The following RCAN2 variants were observed in gnomAD, a reference collection of about 807,000 sequenced individuals.
RCAN2 encodes the protein calcipressin-2.
RCAN2 carries 9 observed loss-of-function variants against 23.6 expected under a neutral mutation model. The ratio of observed to expected loss-of-function variants is 0.38; its 90% CI spans 0.23 to 0.67. The LOEUF (loss-of-function observed/expected upper bound fraction) is 0.67. Ranked by LOEUF, RCAN2 falls within the 30% of genes least tolerant of loss-of-function variation. The probability of loss-of-function intolerance (pLI) is 0.51; values close to 1 mark genes in which losing one functional copy is unlikely to be tolerated. For synonymous variants in RCAN2, 109 were observed against 115.7 expected, an observed-to-expected ratio of 0.94 and a Z score of 0.37; for missense variants, 273 against 302.3, an observed-to-expected ratio of 0.90 and a Z score of 0.72.
At chr6:46,452,124 C>G (rs149350443) in intron 2 of RCAN2, among the ~76,000 whole-genome samples, 90 of 152,164 alleles carry the variant, frequency 5.9e-4, no homozygotes, top group African/African-American at 2.1e-3. Flanking sequence ...AAATATCATA[C>G]CAGCTTTCAA....
At chr6:46,339,081 A>G (rs550537089) in intron 2 of RCAN2, among the ~76,000 whole-genome samples, 1 of 149,462 alleles carries the variant, frequency 6.7e-6, no homozygotes, top group East Asian at 2.0e-4. Context: ...TCAACCCACT[A>G]TCAGTCCATC....
intron 2 of RCAN2, among the ~76,000 whole-genome samples, chr6:46,297,435 T>TAA (rs1762758582): frequency 6.6e-6 from 1 of 152,032 alleles, no homozygotes; most frequent in Non-Finnish European, 1.5e-5. Context: ...GGTGCAGAAG[T>TAA]GCTAACCCAC....
At chr6:46,247,256 G>A (rs888300103) in intron 3 of RCAN2, among the ~76,000 whole-genome samples, 6 of 152,268 alleles carry the variant, frequency 3.9e-5, no homozygotes, top group South Asian at 2.1e-4. Flanking sequence ...GCTGTTGGCT[G>A]CCAGTCCACT....
At chr6:46,253,707 A>C (rs1380652594) in intron 2 of RCAN2, among the ~76,000 whole-genome samples, 1 of 152,174 alleles carries the variant, frequency 6.6e-6, no homozygotes. Context: ...TGTGATGAAT[A>C]GAAATACAGT....
chr6:46,283,229 AT>A (rs1442641348), intron 2 of RCAN2, among the ~76,000 whole-genome samples: 3 of 152,266 alleles, frequency 2.0e-5, no homozygotes, highest in African/African-American at 7.2e-5. Flanking sequence ...TAGGAGGATC[AT>A]TTGAGCCCAG....
chr6:46,275,760 CA>C (rs764807363), intron 2 of RCAN2, among the ~76,000 whole-genome samples: 3 of 152,178 alleles, frequency 2.0e-5, no homozygotes, highest in Non-Finnish European at 4.4e-5. Flanking sequence ...GTTAATTTCT[CA>C]TGCTCTATCA....
intron 2 of RCAN2, among the ~76,000 whole-genome samples, chr6:46,391,732 G>C (rs2150398666): frequency 6.6e-6 from 1 of 152,264 alleles, no homozygotes; most frequent in Admixed American, 6.5e-5. Context: ...GAAGATAAAA[G>C]TACCATTCTC....
Position 46,248,720 on chromosome 6 carries a change from T to C in RCAN2, c.399+3A>G. 1 of 1,596,360 alleles carries C rather than the reference T, an allele frequency of 6.3e-7. No homozygotes were observed. Among genetic ancestry groups the C allele is most frequent in the Non-Finnish European group, 8.5e-7 (1 of 1,173,212 alleles). ...GAATAACTTTGGTAAACAATTACCT[T>C]ACCTGTGCAAAGTAGAGCTTTAATT... On this transcript the variant is annotated splice_donor_region_variant and intron_variant, in intron 3 of 4. Coordinates refer to ENST00000371374, the MANE Select transcript of RCAN2 (RefSeq NM_001251974.2).
chr6:46,435,701 A>G (rs1325294922), intron 2 of RCAN2, among the ~76,000 whole-genome samples: 2 of 152,208 alleles, frequency 1.3e-5, no homozygotes, highest in Non-Finnish European at 2.9e-5. Context: ...TGGTCAACCA[A>G]TCCAGTTTTC....
At chr6:46,238,659 C>T (rs995058912) in intron 4 of RCAN2, among the ~76,000 whole-genome samples, 3 of 152,260 alleles carry the variant, frequency 2.0e-5, no homozygotes, top group African/African-American at 7.2e-5. Context: ...CTCAAGTGAT[C>T]CACCTCTGTC....
chr6:46,427,004 A>G (rs1442438735), intron 2 of RCAN2, among the ~76,000 whole-genome samples: 3 of 152,172 alleles, frequency 2.0e-5, no homozygotes, highest in Non-Finnish European at 4.4e-5. Flanking sequence ...AAGGCAGATA[A>G]CAATGATCCT....
Position 46,482,727 on chromosome 6 carries a change from A to C in RCAN2, c.-3+8446T>G, listed in dbSNP as rs552255857. Among the ~76,000 whole-genome samples the C allele has an allele frequency of 2.6e-5, 4 of 152,318 alleles. No individual in the cohort carries two copies. The South Asian group carries it at 8.3e-4, about 32-fold the overall frequency. ...GTATCACACCTTGGCTTGAACTGTA[A>C]GCCAATAGCCAGGAGAGGTTGTGAG... is the stretch of plus-strand genomic sequence containing the variant. On this transcript the variant is annotated intron_variant, in intron 1 of 4. Coordinates refer to ENST00000371374, the MANE Select transcript of RCAN2 (RefSeq NM_001251974.2).
chr6:46,418,270 A>C (rs1005050170), intron 2 of RCAN2, among the ~76,000 whole-genome samples: 4 of 152,304 alleles, frequency 2.6e-5, no homozygotes, highest in Middle Eastern at 3.4e-3. Flanking sequence ...AAGTTATATA[A>C]ATGTGCAAGT....
chr6:46,225,558 T>C, intron 4 of RCAN2, among the ~76,000 whole-genome samples: 1 of 152,240 alleles, frequency 6.6e-6, no homozygotes, highest in Non-Finnish European at 1.5e-5. Context: ...TTTTCATGTG[T>C]CTGTTGGCTG....
intron 2 of RCAN2, among the ~76,000 whole-genome samples, chr6:46,448,578 C>T (rs895104359): frequency 7.9e-4 from 120 of 151,638 alleles, no homozygotes; most frequent in African/African-American, 2.5e-3. Flanking sequence ...AAAAATCATC[C>T]ACAAAATACC....
intron 2 of RCAN2, among the ~76,000 whole-genome samples, chr6:46,305,248 T>C (rs1020691577): frequency 2.6e-5 from 4 of 152,100 alleles, no homozygotes; most frequent in Non-Finnish European, 5.9e-5. Context: ...CTTTGATGCA[T>C]GGTGGCTGGG....
intron 1 of RCAN2, among the ~76,000 whole-genome samples, chr6:46,486,623 G>A (rs749037783): frequency 6.6e-6 from 1 of 152,222 alleles, no homozygotes; most frequent in African/African-American, 2.4e-5. Flanking sequence ...ATCTAGGACC[G>A]TGTTCTAAAA....
At chr6:46,345,980 CA>C (rs2150375501) in intron 2 of RCAN2, among the ~76,000 whole-genome samples, 1 of 152,066 alleles carries the variant, frequency 6.6e-6, no homozygotes, top group South Asian at 2.1e-4. Context: ...TAAATATAAA[CA>C]AAAGCTCTTT....
Position 46,398,712 on chromosome 6 carries a change from A to G in RCAN2, c.225+58040T>C, listed in dbSNP as rs142481884. Among the ~76,000 whole-genome samples, 970 of 152,250 alleles carry G rather than the reference A, an allele frequency of 6.4e-3. 11 individuals carry two copies. The highest frequency in any genetic ancestry group is 0.023 in the African/African-American group (942 of 41,548). ...ACAAATTAAAATTTGCAGAATTTCCACTAGAGAAAGTAGTGAATACCAGAC... is the reference window on the plus strand; with the variant it reads ...ACAAATTAAAATTTGCAGAATTTCCGCTAGAGAAAGTAGTGAATACCAGAC... On this transcript the variant is annotated intron_variant, in intron 2 of 4. Transcript: ENST00000371374.
Sources: allele counts gnomAD v4.1 joint callset (sites outside exome capture counted in the v4.1 genomes callset), GRCh38; gene constraint gnomAD v4.1.1; transcripts MANE v1.5; gene names NCBI Gene and HGNC (gene_info 2026-07-23, HGNC 2026-07-21).